Variants in SEMA6D observed in about 807,000 individuals in gnomAD.
SEMA6D encodes semaphorin-6D.
Under a neutral mutation model 106.6 loss-of-function variants are expected in SEMA6D, and 35 were observed. The ratio of observed to expected loss-of-function variants is 0.33; its 90% CI spans 0.25 to 0.44. The LOEUF (loss-of-function observed/expected upper bound fraction) is 0.44, where lower values mean the gene tolerates loss of function less well. SEMA6D is among the 20% of genes least tolerant of loss of function. SEMA6D has a pLI of 1.00. For missense variants in SEMA6D, 1,185 were observed against 1,345.9 expected (o/e 0.88, Z 1.87); for synonymous variants, 499 against 487.7 (o/e 1.02, Z -0.31).
At chr15:47,467,203 T>C (rs2042690616) in intron 2 of SEMA6D, among the ~76,000 whole-genome samples, 1 of 152,112 alleles carries the variant, frequency 6.6e-6, no homozygotes, top group Admixed American at 6.6e-5. Flanking sequence ...CATATCAATG[T>C]AAAAGGCTTG....
chr15:47,555,490 G>A (rs147106592), intron 3 of SEMA6D, among the ~76,000 whole-genome samples: 6 of 152,264 alleles, frequency 3.9e-5, no homozygotes, highest in African/African-American at 1.4e-4. Context: ...GAAATAGTAA[G>A]CAAGTAATAT....
chr15:47,526,984 G>A (rs1214869134), intron 3 of SEMA6D, among the ~76,000 whole-genome samples: 1 of 152,058 alleles, frequency 6.6e-6, no homozygotes, highest in Non-Finnish European at 1.5e-5. Flanking sequence ...TGATCTGCCC[G>A]CCTAAGCCTC....
intron 1 of SEMA6D, among the ~76,000 whole-genome samples, chr15:47,216,349 TACGCACAAGCATAGATAATACTTGGTAG>T (rs2030597937): frequency 6.6e-6 from 1 of 152,170 alleles, no homozygotes; most frequent in Non-Finnish European, 1.5e-5. Flanking sequence ...AAAACAAACA[TACGCACAAGCATAGATAATACTTGGTAG>T]TATATTTAAA....
intron 4 of SEMA6D, among the ~76,000 whole-genome samples, chr15:47,639,111 G>A (rs186633409): frequency 6.6e-6 from 1 of 152,228 alleles, no homozygotes; most frequent in Admixed American, 6.5e-5. Flanking sequence ...GCCCTCTAAG[G>A]CTCAAAGGTT....
chr15:47,595,748 T>A (rs2076523529), intron 3 of SEMA6D, among the ~76,000 whole-genome samples: 1 of 152,188 alleles, frequency 6.6e-6, no homozygotes, highest in Non-Finnish European at 1.5e-5. Flanking sequence ...TTCAGTCTCC[T>A]TACTTATTAT....
intron 1 of SEMA6D, chr15:47,730,533 G>A (rs112656498): frequency 5.8e-5 from 77 of 1,318,850 alleles, no homozygotes; most frequent in Admixed American, 4.8e-4. Context: ...ACTCCTGCTC[G>A]AAGGACAGGT....
At chr15:47,526,846 C>T (rs903980296) in intron 3 of SEMA6D, among the ~76,000 whole-genome samples, 9 of 152,138 alleles carry the variant, frequency 5.9e-5, no homozygotes, top group Non-Finnish European at 1.0e-4. Flanking sequence ...AAGCGATTCT[C>T]CTGCCTCAGC....
chr15:47,639,852 A>C (rs1163434180), intron 4 of SEMA6D, among the ~76,000 whole-genome samples: 4 of 152,194 alleles, frequency 2.6e-5, no homozygotes, highest in Non-Finnish European at 4.4e-5. Context: ...AAAACAAAGA[A>C]AGTCTGAGAA....
intron 1 of SEMA6D, among the ~76,000 whole-genome samples, chr15:47,281,823 A>G (rs1233259068): frequency 6.6e-6 from 1 of 152,132 alleles, no homozygotes; most frequent in East Asian, 1.9e-4. Context: ...TTTTTGAGAT[A>G]TGCCCATTCT....
Position 47,590,993 on chromosome 15 carries a change from A to T in SEMA6D, c.-86-9872A>T, listed in dbSNP as rs114770275. Among the ~76,000 whole-genome samples the T allele has an allele frequency of 5.2e-3, 786 of 152,354 alleles. 2 individuals are homozygous for T. Among genetic ancestry groups the T allele is most frequent in the African/African-American group, 0.017 (725 of 41,582 alleles). On this transcript the variant is annotated intron_variant, in intron 3 of 19. Transcript: ENST00000558014. ...ACATGGGCTGGAATTAACTTGTCTT[A>T]GTCCATTCCTGGTGCTATAACAAAA... is the stretch of plus-strand genomic sequence containing the variant.
At chr15:47,574,386 C>A (rs997899659) in intron 3 of SEMA6D, among the ~76,000 whole-genome samples, 2 of 152,144 alleles carry the variant, frequency 1.3e-5, no homozygotes, top group Non-Finnish European at 2.9e-5. Flanking sequence ...CATCAGTATC[C>A]CAGGTCCTGA....
At chr15:47,261,239 A>T (rs575287280) in intron 1 of SEMA6D, among the ~76,000 whole-genome samples, 1 of 152,282 alleles carries the variant, frequency 6.6e-6, no homozygotes, top group South Asian at 2.1e-4. Context: ...ATTTTATTAA[A>T]AACCAAGATA....
intron 4 of SEMA6D, among the ~76,000 whole-genome samples, chr15:47,685,185 G>A (rs986429916): frequency 1.3e-5 from 2 of 152,160 alleles, no homozygotes; most frequent in African/African-American, 4.8e-5. Flanking sequence ...TGAGCATTAA[G>A]TATCTTTGAA....
intron 1 of SEMA6D, among the ~76,000 whole-genome samples, chr15:47,726,887 G>C (rs1297650852): frequency 6.6e-6 from 1 of 152,084 alleles, no homozygotes; most frequent in African/African-American, 2.4e-5. Context: ...TGTACCTTGA[G>C]GCCAGTTCCA....
chr15:47,528,095 G>A (rs2044823440), intron 3 of SEMA6D, among the ~76,000 whole-genome samples: 1 of 152,164 alleles, frequency 6.6e-6, no homozygotes, highest in South Asian at 2.1e-4. Flanking sequence ...ACCAAGGAAG[G>A]TGTAAGGCAC....
chr15:47,529,547 A>G (rs1370313860), intron 3 of SEMA6D, among the ~76,000 whole-genome samples: 1 of 151,096 alleles, frequency 6.6e-6, no homozygotes, highest in Non-Finnish European at 1.5e-5. Context: ...CACTCATGAA[A>G]GAGATTCAAA....
intron 1 of SEMA6D, among the ~76,000 whole-genome samples, chr15:47,259,805 G>A (rs1009880386): frequency 7.2e-5 from 11 of 152,064 alleles, no homozygotes; most frequent in Non-Finnish European, 1.3e-4. Context: ...AGACATTGAT[G>A]ATATGAGTGT....
intron 4 of SEMA6D, among the ~76,000 whole-genome samples, chr15:47,613,611 A>G (rs530867664): frequency 1.3e-5 from 2 of 152,262 alleles, no homozygotes; most frequent in Admixed American, 6.5e-5. Context: ...GAAGTACAGT[A>G]TATCTGGACC....
chr15:47,195,305 C>A (rs942537620), intron 1 of SEMA6D, among the ~76,000 whole-genome samples: 16 of 152,090 alleles, frequency 1.1e-4, no homozygotes, highest in African/African-American at 3.4e-4. Context: ...GCTTTCTCAC[C>A]TGTCTTACTT....
Sources: gnomAD v4.1 joint callset for allele counts (sites outside exome capture counted in the v4.1 genomes callset) on GRCh38, gnomAD v4.1.1 for gene constraint, MANE v1.5 for transcripts, NCBI Gene and HGNC (gene_info 2026-07-23, HGNC 2026-07-21) for gene names.